The following PCDH9 variants were observed in gnomAD, a reference collection of about 807,000 sequenced individuals.
PCDH9 encodes the protein protocadherin-9.
PCDH9 carries 24 observed loss-of-function variants against 70.6 expected under a neutral mutation model. The observed-to-expected ratio is 0.34, with a 90% CI of 0.25 to 0.48. PCDH9 has a LOEUF of 0.48. Ranked by LOEUF, PCDH9 falls within the 20% of genes least tolerant of loss-of-function variation. The probability of loss-of-function intolerance (pLI) is 0.99; values close to 1 mark genes in which losing one functional copy is unlikely to be tolerated. For synonymous variants in PCDH9, 562 were observed against 558.5 expected (o/e 1.01, Z -0.09); for missense variants, 1,281 against 1,503.6 (o/e 0.85, Z 2.45).
chr13:66,349,236 A>G (rs945825453), intron 4 of PCDH9, among the ~76,000 whole-genome samples: 3 of 152,030 alleles, frequency 2.0e-5, no homozygotes, highest in Non-Finnish European at 4.4e-5. Flanking sequence ...CTCCCTAAAT[A>G]TTTGTTGAAT....
At position 66,304,639 on chromosome 13, in the gene PCDH9, C is replaced by T. The variant is rs768450350; in HGVS notation, c.*16G>A. 1.2e-6 allele frequency: 2 copies of T among 1,603,116 alleles called. No homozygotes were observed. Among genetic ancestry groups the T allele is most frequent in the South Asian group, 1.1e-5 (1 of 90,692 alleles). ...GCATGTCTATTTAAAGTTATTAGGTCCCATATAGCCTTTTCTTAGAGTTGG... is the reference window on the plus strand; with the variant it reads ...GCATGTCTATTTAAAGTTATTAGGTTCCATATAGCCTTTTCTTAGAGTTGG... On this transcript the variant is annotated 3_prime_UTR_variant, in exon 5 of 5. Coordinates refer to ENST00000377865, the MANE Select transcript of PCDH9 (RefSeq NM_203487.3).
chr13:66,964,041 T>A (rs2083392884), intron 2 of PCDH9, among the ~76,000 whole-genome samples: 1 of 152,040 alleles, frequency 6.6e-6, no homozygotes, highest in Non-Finnish European at 1.5e-5. Context: ...ATAGATTAGA[T>A]CTATGTGGAT....
At chr13:66,494,618 A>G (rs1959084518) in intron 4 of PCDH9, among the ~76,000 whole-genome samples, 1 of 152,144 alleles carries the variant, frequency 6.6e-6, no homozygotes, top group African/African-American at 2.4e-5. Context: ...GCCAACAATT[A>G]GACCAGAAAC....
chr13:66,518,168 A>G (rs1403485238), intron 4 of PCDH9, among the ~76,000 whole-genome samples: 1 of 152,052 alleles, frequency 6.6e-6, no homozygotes, highest in Non-Finnish European at 1.5e-5. Flanking sequence ...TCATATGGCA[A>G]AAACAGGAAA....
chr13:66,921,841 G>C (rs1335986684), intron 2 of PCDH9, among the ~76,000 whole-genome samples: 1 of 151,322 alleles, frequency 6.6e-6, no homozygotes, highest in Non-Finnish European at 1.5e-5. Context: ...GATTCTAAGA[G>C]TAATAGTTTC....
chr13:66,453,669 G>A (rs1023756380), intron 4 of PCDH9, among the ~76,000 whole-genome samples: 27 of 152,108 alleles, frequency 1.8e-4, no homozygotes, highest in African/African-American at 6.0e-4. Context: ...CATTTTGGGG[G>A]TTCACAGCAG....
Position 66,759,102 on chromosome 13 carries a change from T to C in PCDH9, c.3139-127691A>G, listed in dbSNP as rs560807536. ...TTCATTAATCTTTTCTATTTTTTAA[T>C]CTCTATTTTATCTTTTTCTCTGATC... is the stretch of plus-strand genomic sequence containing the variant. On this transcript the variant is annotated intron_variant, in intron 3 of 4. Coordinates refer to ENST00000377865, the MANE Select transcript of PCDH9 (RefSeq NM_203487.3). Among the ~76,000 whole-genome samples the C allele has an allele frequency of 5.3e-5, 8 of 152,174 alleles. No individual in the cohort carries two copies. The East Asian group carries it at 1.5e-3, about 29-fold the overall frequency.
At chr13:66,694,464 A>C (rs986714687) in intron 3 of PCDH9, among the ~76,000 whole-genome samples, 2 of 152,144 alleles carry the variant, frequency 1.3e-5, no homozygotes, top group African/African-American at 4.8e-5. Flanking sequence ...CCCTCAGGTG[A>C]TGTCAGGCAT....
At chr13:66,421,722 A>C (rs2138350609) in intron 4 of PCDH9, among the ~76,000 whole-genome samples, 1 of 152,348 alleles carries the variant, frequency 6.6e-6, no homozygotes, top group South Asian at 2.1e-4. Flanking sequence ...TAAAATGTAA[A>C]GACCATTGAC....
intron 3 of PCDH9, among the ~76,000 whole-genome samples, chr13:66,814,252 C>G (rs1349435077): frequency 6.6e-6 from 1 of 152,138 alleles, no homozygotes; most frequent in African/African-American, 2.4e-5. Context: ...TGACTACTCT[C>G]AGAGTAATTA....
At chr13:67,113,190 A>G (rs2086690516) in intron 2 of PCDH9, among the ~76,000 whole-genome samples, 1 of 152,172 alleles carries the variant, frequency 6.6e-6, no homozygotes, top group Non-Finnish European at 1.5e-5. Context: ...CTTCAAATTC[A>G]CAGTATAATA....
chr13:66,984,612 G>A (rs889901234), intron 2 of PCDH9, among the ~76,000 whole-genome samples: 20 of 152,070 alleles, frequency 1.3e-4, no homozygotes, highest in Non-Finnish European at 2.4e-4. Context: ...AGATTCTAAT[G>A]CTAAAATGGA....
chr13:66,740,687 C>T (rs1214849943), intron 3 of PCDH9, among the ~76,000 whole-genome samples: 1 of 151,838 alleles, frequency 6.6e-6, no homozygotes, highest in East Asian at 1.9e-4. Context: ...GAAATACAAA[C>T]TACCATCAGA....
chr13:67,188,996 C>A (rs766789453), intron 2 of PCDH9, among the ~76,000 whole-genome samples: 3 of 151,980 alleles, frequency 2.0e-5, no homozygotes, highest in Non-Finnish European at 4.4e-5. Context: ...TATGCCTTTG[C>A]ATCCTCATAG....
intron 4 of PCDH9, among the ~76,000 whole-genome samples, chr13:66,497,830 T>G (rs1959140359): frequency 6.8e-6 from 1 of 148,116 alleles, no homozygotes; most frequent in Non-Finnish European, 1.5e-5. Context: ...TTTTTTTTTT[T>G]TTTTTTGAGA....
chr13:66,677,595 G>T lies in PCDH9; in HGVS notation c.3139-46184C>A, dbSNP rs1453928003. Reference sequence around the variant, plus strand: ...TTGCAAAATCTGATCATTTAAAAGTGTGTGGCACTTCCTTCCCCATGCTCT... The same window carrying T: ...TTGCAAAATCTGATCATTTAAAAGTTTGTGGCACTTCCTTCCCCATGCTCT... On this transcript the variant is annotated intron_variant, in intron 3 of 4. Transcript: ENST00000377865. Among the ~76,000 whole-genome samples, 3 of 152,028 alleles carry T rather than the reference G, an allele frequency of 2.0e-5. No individual in the cohort carries two copies. The East Asian group carries it at 5.8e-4, about 29-fold the overall frequency.
At chr13:66,736,042 T>C (rs2079143688) in intron 3 of PCDH9, among the ~76,000 whole-genome samples, 1 of 152,160 alleles carries the variant, frequency 6.6e-6, no homozygotes, top group Non-Finnish European at 1.5e-5. Flanking sequence ...ACTGTACTTA[T>C]TCAATAAAAG....
intron 4 of PCDH9, among the ~76,000 whole-genome samples, chr13:66,554,143 C>A (rs1227952119): frequency 6.6e-6 from 1 of 152,110 alleles, no homozygotes; most frequent in Non-Finnish European, 1.5e-5. Context: ...AGAACCTTAA[C>A]AACCCTTCTA....
chr13:66,469,159 C>T (rs1958569339), intron 4 of PCDH9, among the ~76,000 whole-genome samples: 1 of 152,020 alleles, frequency 6.6e-6, no homozygotes. Context: ...TTAAATCCAG[C>T]TAAAATTTTT....
Sources: allele counts gnomAD v4.1 joint callset (sites outside exome capture counted in the v4.1 genomes callset), GRCh38; gene constraint gnomAD v4.1.1; transcripts MANE v1.5; gene names NCBI Gene and HGNC (gene_info 2026-07-23, HGNC 2026-07-21).